Variants in CD44 observed in about 807,000 individuals in gnomAD.
The protein encoded by CD44 is CD44 antigen.
In CD44, 49 loss-of-function variants were observed where a neutral mutation model predicts 88.8. That is an observed-to-expected ratio of 0.55 (90% confidence interval 0.44 to 0.70). The LOEUF is 0.70. CD44 is among the 30% of genes least tolerant of loss of function. The probability of loss-of-function intolerance (pLI) is 0.00; values close to 1 mark genes in which losing one functional copy is unlikely to be tolerated. For missense variants in CD44, 883 were observed against 913.8 expected, an observed-to-expected ratio of 0.97 and a Z score of 0.43; for synonymous variants, 325 against 312.3, an observed-to-expected ratio of 1.04 and a Z score of -0.43.
chr11:35,201,174 C>A lies in CD44; in HGVS notation c.1015C>A (p.Gln339Lys). ...PSHSNPEVLL[Q>K]TTTRMTDVDR... is the part of the protein sequence containing the mutation. ...CCATTCAAATCCGGAAGTGCTACTT[C>A]AGACAACCACAAGGATGACTGGTAA... is the stretch of plus-strand genomic sequence containing the variant. Residue 339 changes from glutamine (Q) to lysine (K), a missense_variant, in exon 8 of 18, where the codon CAG (glutamine) becomes AAG (lysine). This residue lies in a region of CD44 where 631 missense variants were observed against 590.9 expected (regional missense o/e 1.07). Coordinates refer to ENST00000428726, the MANE Select transcript of CD44 (RefSeq NM_000610.4). The A allele has an allele frequency of 6.2e-7, 1 of 1,612,376 alleles. No homozygotes were observed. The highest frequency in any genetic ancestry group is 8.5e-7 in the Non-Finnish European group (1 of 1,178,384).
At chr11:35,195,764 G>T (rs1222337580) in intron 5 of CD44, among the ~76,000 whole-genome samples, 1 of 151,998 alleles carries the variant, frequency 6.6e-6, no homozygotes, top group East Asian at 1.9e-4. Flanking sequence ...GGTCTTATTA[G>T]CAAGATCATT....
intron 1 of CD44, among the ~76,000 whole-genome samples, chr11:35,149,559 A>G: frequency 6.6e-6 from 1 of 152,216 alleles, no homozygotes; most frequent in East Asian, 1.9e-4. Context: ...GCTTCTCTCT[A>G]TTACTGATTC....
rs966279731 is a variant in CD44, at chr11:35,206,208, C to T, written c.1379C>T (p.Pro460Leu). Reference sequence around the variant, plus strand: ...GATTTCTTCAACCCAATCTCACACCCCATGGGACGAGGTCATCAAGCAGGA... The same window carrying T: ...GATTTCTTCAACCCAATCTCACACCTCATGGGACGAGGTCATCAAGCAGGA... ...WTDFFNPISH[P>L]MGRGHQAGRR... is the part of the protein sequence containing the mutation. The change falls in exon 11 of 18, where the codon CCC becomes CTC. Residue 460 changes from proline to leucine, a missense_variant. Around this residue, in one of 2 missense-constraint regions of CD44, gnomAD observed 631 missense variants for 590.9 expected, o/e 1.07. Coordinates refer to ENST00000428726, the MANE Select transcript of CD44 (RefSeq NM_000610.4). The T allele has an allele frequency of 1.2e-6, 2 of 1,611,324 alleles. No individual in the cohort carries two copies. The highest frequency in any genetic ancestry group is 1.7e-6 in the Non-Finnish European group (2 of 1,178,706).
rs2134051644 is a variant in CD44, at chr11:35,201,732, C to T, written c.1098C>T (p.Pro366=). 1 of 1,613,738 alleles carries T rather than the reference C, an allele frequency of 6.2e-7. No homozygotes were observed. Among genetic ancestry groups the T allele is most frequent in the East Asian group, 2.2e-5 (1 of 44,860 alleles). ...ACTGGAACCCAGAAGCACACCCTCCCCTCATTCACCATGAGCATCATGAGG... is the reference window on the plus strand; with the variant it reads ...ACTGGAACCCAGAAGCACACCCTCCTCTCATTCACCATGAGCATCATGAGG... ...EGNWNPEAHP[P]LIHHEHHEEE... is the part of the protein sequence containing the mutation. The change falls in exon 9 of 18, where the codon CCC becomes CCT. Residue 366 remains proline (P), a synonymous_variant. Coordinates refer to ENST00000428726, the MANE Select transcript of CD44 (RefSeq NM_000610.4).
intron 17 of CD44, among the ~76,000 whole-genome samples, chr11:35,224,000 G>C (rs7121622): frequency 0.029 from 4,343 of 152,236 alleles, 197 homozygotes; most frequent in African/African-American, 0.098. Flanking sequence ...AACAAAAAGA[G>C]TACCACCCCT....
chr11:35,146,431 T>C (rs1464130511), intron 1 of CD44, among the ~76,000 whole-genome samples: 1 of 152,228 alleles, frequency 6.6e-6, no homozygotes, highest in Non-Finnish European at 1.5e-5. Context: ...TGTTTGCATC[T>C]TTGCACAAGT....
intron 3 of CD44, among the ~76,000 whole-genome samples, chr11:35,185,067 G>A (rs1003674403): frequency 2.6e-5 from 4 of 152,184 alleles, no homozygotes; most frequent in African/African-American, 9.7e-5. Flanking sequence ...GGTAGCAGAA[G>A]GCAGAGATTG....
chr11:35,154,883 TC>T (rs1487818806), intron 1 of CD44, among the ~76,000 whole-genome samples: 2 of 151,364 alleles, frequency 1.3e-5, no homozygotes, highest in African/African-American at 4.8e-5. Context: ...CTGGGATGAT[TC>T]CAGGAAGTCA....
intron 1 of CD44, among the ~76,000 whole-genome samples, chr11:35,143,242 G>A (rs141478111): frequency 0.015 from 2,203 of 151,720 alleles, 30 homozygotes; most frequent in Non-Finnish European, 0.016. Context: ...CTGGAACATC[G>A]CTAGATGGTC....
Position 35,139,230 on chromosome 11 carries a change from T to C in CD44, c.-74T>C. On this transcript the variant is annotated 5_prime_UTR_variant, in exon 1 of 18. Transcript: ENST00000428726. ...TCGGTCCGCCATCCTCGTCCCGTCC[T>C]CCGCCGGCCCCTGCCCCGCGCCCAG... 1 of 1,240,002 alleles carries C rather than the reference T, an allele frequency of 8.1e-7. No homozygotes were observed. Among genetic ancestry groups the C allele is most frequent in the African/African-American group, 1.5e-5 (1 of 66,892 alleles). The allele number at this position is 1,240,002 out of a possible 1,614,324, so 76.8% of individuals were successfully genotyped here.
chr11:35,203,176 A>T (rs934899732), intron 9 of CD44, among the ~76,000 whole-genome samples: 2 of 152,190 alleles, frequency 1.3e-5, no homozygotes, highest in African/African-American at 2.4e-5. Context: ...TTCTAGAAGA[A>T]AGTCAACCTT....
intron 4 of CD44, among the ~76,000 whole-genome samples, chr11:35,188,901 G>A (rs777173204): frequency 9.9e-5 from 15 of 151,452 alleles, no homozygotes; most frequent in Non-Finnish European, 1.9e-4. Flanking sequence ...TTGCACCACT[G>A]CACCCCAGCC....
At chr11:35,220,364 C>T (rs1038538137) in intron 16 of CD44, among the ~76,000 whole-genome samples, 15 of 148,524 alleles carry the variant, frequency 1.0e-4, no homozygotes, top group Non-Finnish European at 2.1e-4. Flanking sequence ...ATCGGGCCCT[C>T]CTGTCAGTCT....
chr11:35,148,433 C>G (rs895960849), intron 1 of CD44, among the ~76,000 whole-genome samples: 2 of 152,176 alleles, frequency 1.3e-5, no homozygotes, highest in Non-Finnish European at 2.9e-5. Flanking sequence ...GAAGAAATCT[C>G]CTGTCAAGGA....
At chr11:35,210,679 T>C (rs1017411265) in intron 13 of CD44, 2 of 153,660 alleles carry the variant, frequency 1.3e-5, no homozygotes, top group African/African-American at 4.8e-5. Flanking sequence ...TTGGCGTAAA[T>C]GTCTGATTAT....
chr11:35,168,656 G>T (rs1228050229), intron 1 of CD44, among the ~76,000 whole-genome samples: 1 of 152,246 alleles, frequency 6.6e-6, no homozygotes, highest in Non-Finnish European at 1.5e-5. Context: ...CTCCTGAGGA[G>T]ATGACAAATA....
chr11:35,163,946 T>A (rs959596272), intron 1 of CD44, among the ~76,000 whole-genome samples: 1 of 152,064 alleles, frequency 6.6e-6, no homozygotes. Flanking sequence ...CTTATATGTA[T>A]CAAGTTTCAA....
At chr11:35,154,767 G>C (rs1342085384) in intron 1 of CD44, among the ~76,000 whole-genome samples, 1 of 152,130 alleles carries the variant, frequency 6.6e-6, no homozygotes, top group Non-Finnish European at 1.5e-5. Flanking sequence ...ATTGTTATCT[G>C]TTGTGTATAT....
At chr11:35,190,749 G>A (rs1286637580) in intron 5 of CD44, among the ~76,000 whole-genome samples, 1 of 152,222 alleles carries the variant, frequency 6.6e-6, no homozygotes, top group Non-Finnish European at 1.5e-5. Flanking sequence ...TTAGTCCAAG[G>A]AAGCATATCT....
Sources: gnomAD v4.1 joint callset for allele counts (sites outside exome capture counted in the v4.1 genomes callset) on GRCh38, gnomAD v4.1.1 for gene constraint, gnomAD v4.1.1 regional missense constraint, MANE v1.5 for transcripts, NCBI Gene and HGNC (gene_info 2026-07-23, HGNC 2026-07-21) for gene names.